GPRIN3: variants seen among roughly 807,000 people sequenced by gnomAD.
GPRIN3 encodes the protein G protein-regulated inducer of neurite outgrowth 3.
In GPRIN3, 12 loss-of-function variants were observed where a neutral mutation model predicts 13.7. The ratio of observed to expected loss-of-function variants is 0.87; its 90% CI spans 0.56 to 1.42. The LOEUF (loss-of-function observed/expected upper bound fraction) is 1.42, where lower values mean the gene tolerates loss of function less well. Among genes scored for constraint, GPRIN3 ranks in the 40% most tolerant of loss-of-function variants. GPRIN3 has a pLI of 0.00. For missense variants in GPRIN3, 1,009 were observed against 958.7 expected (o/e 1.05, Z -0.69); for synonymous variants, 377 against 372.7 (o/e 1.01, Z -0.13).
chr4:89,263,228 A>G (rs1211544980), intron 1 of GPRIN3, among the ~76,000 whole-genome samples: 2 of 152,252 alleles, frequency 1.3e-5, no homozygotes, highest in African/African-American at 2.4e-5. Flanking sequence ...CTGTGCATAA[A>G]AAATTTTAAT....
At chr4:89,283,576 G>T (rs1724316250) in intron 1 of GPRIN3, among the ~76,000 whole-genome samples, 1 of 152,164 alleles carries the variant, frequency 6.6e-6, no homozygotes, top group Non-Finnish European at 1.5e-5. Context: ...CATAAAGGGA[G>T]ACTGGACTAC....
At chr4:89,290,510 A>T (rs1352745318) in intron 1 of GPRIN3, among the ~76,000 whole-genome samples, 1 of 152,160 alleles carries the variant, frequency 6.6e-6, no homozygotes. Context: ...CGCTGGAAGC[A>T]TTAAGTTTCA....
chr4:89,259,274 A>C (rs1411164122), intron 1 of GPRIN3, among the ~76,000 whole-genome samples: 1 of 152,224 alleles, frequency 6.6e-6, no homozygotes, highest in Non-Finnish European at 1.5e-5. Flanking sequence ...AGAAGAGGTG[A>C]TTAAAACATT....
rs756983246 is a variant in GPRIN3, at chr4:89,249,046, T to C, written c.1065A>G (p.Gln355=). The change falls in exon 2 of 2, where the codon CAA becomes CAG. Residue 355 remains glutamine, a synonymous_variant. Coordinates refer to ENST00000609438, the MANE Select transcript of GPRIN3 (RefSeq NM_198281.3). ...KESRAPEHFE[Q]EQLRVICHSS... ...TGTGGCAAATGACACGCAGCTGCTCTTGTTCAAAATGCTCAGGAGCACGGC... is the reference window on the plus strand; with the variant it reads ...TGTGGCAAATGACACGCAGCTGCTCCTGTTCAAAATGCTCAGGAGCACGGC... The C allele has an allele frequency of 3.1e-6, 5 of 1,614,194 alleles. No individual in the cohort carries two copies. The highest frequency in any genetic ancestry group is 4.2e-6 in the Non-Finnish European group (5 of 1,180,026).
chr4:89,266,004 T>C (rs1184087377), intron 1 of GPRIN3, among the ~76,000 whole-genome samples: 1 of 152,228 alleles, frequency 6.6e-6, no homozygotes. Context: ...AAGCGCTACA[T>C]TTTTGTGTAT....
At chr4:89,255,645 A>G (rs1723446043) in intron 1 of GPRIN3, among the ~76,000 whole-genome samples, 1 of 152,178 alleles carries the variant, frequency 6.6e-6, no homozygotes, top group Non-Finnish European at 1.5e-5. Flanking sequence ...TTTTTGCTAA[A>G]CCACTTAACA....
At chr4:89,267,484 A>T (rs916461093) in intron 1 of GPRIN3, among the ~76,000 whole-genome samples, 4 of 152,174 alleles carry the variant, frequency 2.6e-5, no homozygotes, top group Admixed American at 1.3e-4. Flanking sequence ...TTGCTGCTTG[A>T]TAGTACTAAC....
chr4:89,272,793 C>A (rs1198241764), intron 1 of GPRIN3, among the ~76,000 whole-genome samples: 1 of 152,168 alleles, frequency 6.6e-6, no homozygotes, highest in Admixed American at 6.5e-5. Flanking sequence ...TAAAACAACA[C>A]TTATCTTCTG....
intron 1 of GPRIN3, among the ~76,000 whole-genome samples, chr4:89,281,669 G>T (rs74923126): frequency 6.6e-6 from 1 of 152,170 alleles, no homozygotes. Flanking sequence ...AACTAACCCT[G>T]CTGACACCTT....
intron 1 of GPRIN3, among the ~76,000 whole-genome samples, chr4:89,282,655 A>G (rs914987200): frequency 2.0e-5 from 3 of 149,670 alleles, no homozygotes; most frequent in African/African-American, 7.4e-5. Context: ...TGTGTTGCCC[A>G]AGACAATTAT....
chr4:89,281,706 A>G (rs1724255613), intron 1 of GPRIN3, among the ~76,000 whole-genome samples: 1 of 152,202 alleles, frequency 6.6e-6, no homozygotes, highest in African/African-American at 2.4e-5. Flanking sequence ...CCCACAGAAC[A>G]AGGACAGAAC....
chr4:89,249,375 CTG>C lies in GPRIN3; in HGVS notation c.734_735del (p.Ser245Ter). 1 of 1,614,178 alleles carries C rather than the reference CTG, an allele frequency of 6.2e-7. No homozygotes were observed. The highest frequency in any genetic ancestry group is 8.5e-7 in the Non-Finnish European group (1 of 1,180,024). Reference sequence around the variant, plus strand: ...GCAGTGACAGAGGGCTGCTTGTTCTCTGAACATCCAGATTCTCTAGTTAGAGG... The same window carrying C: ...GCAGTGACAGAGGGCTGCTTGTTCTCAACATCCAGATTCTCTAGTTAGAGG... ...CKPLTRESGCSENKQPSVTAS... is the reference protein window; with the variant it reads ...CKPLTRESGCXENKQPSVTAS... On this transcript the variant is annotated frameshift_variant, in exon 2 of 2. Coordinates refer to ENST00000609438, the MANE Select transcript of GPRIN3 (RefSeq NM_198281.3). LOFTEE classifies it low-confidence loss of function (END_TRUNC).
intron 1 of GPRIN3, among the ~76,000 whole-genome samples, chr4:89,266,622 G>A (rs148340267): frequency 6.6e-6 from 1 of 152,292 alleles, no homozygotes; most frequent in East Asian, 1.9e-4. Flanking sequence ...TAAAAGATAG[G>A]AAAATCGTTG....
At chr4:89,256,490 T>G (rs1723468835) in intron 1 of GPRIN3, among the ~76,000 whole-genome samples, 1 of 152,126 alleles carries the variant, frequency 6.6e-6, no homozygotes, top group Non-Finnish European at 1.5e-5. Flanking sequence ...TCTCAGCCCT[T>G]TGTGACTTCC....
At chr4:89,275,919 T>C (rs1462102626) in intron 1 of GPRIN3, among the ~76,000 whole-genome samples, 1 of 152,214 alleles carries the variant, frequency 6.6e-6, no homozygotes, top group Non-Finnish European at 1.5e-5. Flanking sequence ...CAGTTTTATG[T>C]GGAGCTCCCA....
chr4:89,258,401 G>A (rs928036956), intron 1 of GPRIN3, among the ~76,000 whole-genome samples: 2 of 152,014 alleles, frequency 1.3e-5, no homozygotes, highest in Non-Finnish European at 2.9e-5. Context: ...CTTTTTAGTA[G>A]AGATGGGGTT....
At chr4:89,265,588 G>C (rs1410193582) in intron 1 of GPRIN3, among the ~76,000 whole-genome samples, 7 of 152,148 alleles carry the variant, frequency 4.6e-5, no homozygotes, top group Non-Finnish European at 8.8e-5. Flanking sequence ...ATAGTGGCTA[G>C]GAACATATGT....
intron 1 of GPRIN3, among the ~76,000 whole-genome samples, chr4:89,301,338 T>G (rs1724891462): frequency 6.6e-6 from 1 of 152,224 alleles, no homozygotes; most frequent in South Asian, 2.1e-4. Flanking sequence ...ACTTCTATGT[T>G]ATATTCAGCA....
chr4:89,263,830 G>A (rs920303558), intron 1 of GPRIN3, among the ~76,000 whole-genome samples: 1 of 152,204 alleles, frequency 6.6e-6, no homozygotes, highest in Admixed American at 6.5e-5. Context: ...CTAAGTAGCA[G>A]AGTTGAAATT....
Sources: gnomAD v4.1 joint callset for allele counts (sites outside exome capture counted in the v4.1 genomes callset) on GRCh38, gnomAD v4.1.1 for gene constraint, MANE v1.5 for transcripts, NCBI Gene and HGNC (gene_info 2026-07-23, HGNC 2026-07-21) for gene names.